The following PTGFRN variants were observed in gnomAD, a reference collection of about 807,000 sequenced individuals.
PTGFRN encodes prostaglandin F2 receptor inhibitor.
In PTGFRN, 35 loss-of-function variants were observed where a neutral mutation model predicts 83.2. The ratio of observed to expected loss-of-function variants is 0.42; its 90% confidence interval spans 0.32 to 0.56. The LOEUF is 0.56. PTGFRN is among the 20% of genes least tolerant of loss of function. PTGFRN has a pLI of 0.11. For missense variants in PTGFRN, 1,051 were observed against 1,179.5 expected (o/e 0.89, Z 1.60); for synonymous variants, 519 against 498.6 (o/e 1.04, Z -0.55).
chr1:116,932,923 C>T (rs979184285), intron 1 of PTGFRN, among the ~76,000 whole-genome samples: 1 of 152,132 alleles, frequency 6.6e-6, no homozygotes, highest in African/African-American at 2.4e-5. Context: ...GGAGGTTATT[C>T]AACTTCTTTG....
chr1:116,912,996 C>T (rs1649310191), intron 1 of PTGFRN, among the ~76,000 whole-genome samples: 1 of 152,214 alleles, frequency 6.6e-6, no homozygotes, highest in South Asian at 2.1e-4. Flanking sequence ...TATGTCTGAC[C>T]TGTCTTGCCC....
intron 7 of PTGFRN, among the ~76,000 whole-genome samples, chr1:116,983,678 T>G (rs943343298): frequency 1.3e-5 from 2 of 152,212 alleles, no homozygotes; most frequent in Non-Finnish European, 2.9e-5. Flanking sequence ...TGAAAATAAT[T>G]TATTTGCCTT....
At chr1:116,957,122 TC>T (rs1650522565) in intron 4 of PTGFRN, among the ~76,000 whole-genome samples, 17 of 151,178 alleles carry the variant, frequency 1.1e-4, no homozygotes, top group Admixed American at 8.6e-4. Flanking sequence ...TCTCTCTCTC[TC>T]TCTTTCTCTC....
chr1:116,954,461 A>G (rs1368245076), intron 4 of PTGFRN, among the ~76,000 whole-genome samples: 2 of 152,268 alleles, frequency 1.3e-5, no homozygotes, highest in Admixed American at 6.5e-5. Flanking sequence ...AAACCCTGTC[A>G]TCAGCACAGG....
Position 116,913,778 on chromosome 1 carries a change from A to G in PTGFRN, c.49+3526A>G, listed in dbSNP as rs185588718. 1.1e-3 allele frequency among the ~76,000 whole-genome samples: 168 copies of G among 152,344 alleles called. 1 individual carries two copies. Among genetic ancestry groups the G allele is most frequent in the African/African-American group, 3.7e-3 (152 of 41,572 alleles). On this transcript the variant is annotated intron_variant, in intron 1 of 8. Coordinates refer to ENST00000393203, the MANE Select transcript of PTGFRN (RefSeq NM_020440.4). Reference sequence around the variant, plus strand: ...TTATCTGTGGGAATGGGTAGCCATTAAAAGTTTGTAGGGCGAGATTAACAG... The same window carrying G: ...TTATCTGTGGGAATGGGTAGCCATTGAAAGTTTGTAGGGCGAGATTAACAG...
intron 1 of PTGFRN, among the ~76,000 whole-genome samples, chr1:116,915,150 C>G (rs879224695): frequency 3.9e-5 from 6 of 152,196 alleles, no homozygotes; most frequent in Admixed American, 3.9e-4. Context: ...TTCGCTAAAC[C>G]TTATGCTGCG....
chr1:116,944,639 G>C, intron 2 of PTGFRN, 40 bp from the exon 3 acceptor site: 1 of 1,368,758 alleles, frequency 7.3e-7, no homozygotes, highest in Non-Finnish European at 9.5e-7. Context: ...GGCTGGGGTC[G>C]GTGTGGACGG....
At chr1:116,914,975 A>G (rs1203177722) in intron 1 of PTGFRN, among the ~76,000 whole-genome samples, 1 of 152,198 alleles carries the variant, frequency 6.6e-6, no homozygotes, top group Non-Finnish European at 1.5e-5. Context: ...TATTCCTCAC[A>G]ACAATACTTT....
chr1:116,949,746 C>G (rs1570661345), intron 4 of PTGFRN, among the ~76,000 whole-genome samples, 174 bp downstream of exon 4: 1 of 152,252 alleles, frequency 6.6e-6, no homozygotes, highest in South Asian at 2.1e-4. Context: ...TAGAATCTGG[C>G]AGACAAGGGA....
rs1046502774 is a variant in PTGFRN, at chr1:116,966,853, G to A, written c.1640-58G>A. On this transcript the variant is annotated intron_variant, in intron 5 of 8. Coordinates refer to ENST00000393203, the MANE Select transcript of PTGFRN (RefSeq NM_020440.4). Reference sequence around the variant, plus strand: ...TTTCTTGGTTATTTTGCTTTTAGTTGCATTTTTATTTTAACTGATCTTGTT... The same window carrying A: ...TTTCTTGGTTATTTTGCTTTTAGTTACATTTTTATTTTAACTGATCTTGTT... 3 of 1,501,956 alleles carry A rather than the reference G, an allele frequency of 2.0e-6. No individual in the cohort carries two copies. In the African/African-American group the frequency reaches 4.2e-5, roughly 21 times the overall value. 93.0% of individuals were successfully genotyped at this position (1,501,956 alleles called of 1,614,324 possible).
chr1:116,925,337 G>A (rs976889597), intron 1 of PTGFRN, among the ~76,000 whole-genome samples: 1 of 152,014 alleles, frequency 6.6e-6, no homozygotes, highest in Non-Finnish European at 1.5e-5. Context: ...TGAGGCATGA[G>A]AATTGCTTGA....
chr1:116,956,162 T>C (rs112869931), intron 4 of PTGFRN, among the ~76,000 whole-genome samples: 3 of 151,976 alleles, frequency 2.0e-5, no homozygotes, highest in African/African-American at 4.8e-5. Context: ...TCTCCAGGAG[T>C]GTAAGTCTAA....
rs1182590334 is a variant in PTGFRN, at chr1:116,961,143, A to G, written c.1214-100A>G. On this transcript the variant is annotated intron_variant, in intron 4 of 8. Coordinates refer to ENST00000393203, the MANE Select transcript of PTGFRN (RefSeq NM_020440.4). This position sits in a 1 kb window ranked among gnomAD's most constrained non-coding sequence, Gnocchi z 5.4. ...TCTAGTCCGGCAGGAGAAGCATTTA[A>G]TTGTTAAAACAAGAGCAGTCCTTGT... The G allele has an allele frequency of 1.6e-6, 2 of 1,233,622 alleles. No homozygotes were observed. Among genetic ancestry groups the G allele is most frequent in the African/African-American group, 3.0e-5 (2 of 65,944 alleles). The allele number at this position is 1,233,622 out of a possible 1,614,324, so 76.4% of individuals were successfully genotyped here.
Position 116,961,679 on chromosome 1 carries a change from T to G in PTGFRN, c.1639+11T>G. On this transcript the variant is annotated intron_variant, in intron 5 of 8. Coordinates refer to ENST00000393203, the MANE Select transcript of PTGFRN (RefSeq NM_020440.4). The surrounding 1 kb of genome is among the most constrained non-coding windows in gnomAD (Gnocchi z 5.4). ...TTTGGGCATTAGAAGGTAGGAACTT[T>G]TTTCTTGTTATTCATTTTTGTTTTG... 2 of 1,591,964 alleles carry G rather than the reference T, an allele frequency of 1.3e-6. No individual in the cohort carries two copies. The highest frequency in any genetic ancestry group is 2.2e-5 in the East Asian group (1 of 44,566).
rs116728727 is a variant in PTGFRN at position 116,920,012 on chromosome 1, G to A, written c.49+9760G>A. Among the ~76,000 whole-genome samples the A allele has an allele frequency of 1.5e-3, 236 of 152,342 alleles. 2 individuals are homozygous for A. Among genetic ancestry groups the A allele is most frequent in the African/African-American group, 5.5e-3 (228 of 41,584 alleles). ...CTTTGAGTTCATGCTGACCCCTGCT[G>A]TTGGCCATGTGGCCTCTTGGCCCAG... On this transcript the variant is annotated intron_variant, in intron 1 of 8. Transcript: ENST00000393203.
At chr1:116,942,147 T>C in intron 2 of PTGFRN, 64 bp downstream of exon 2, 2 of 1,530,420 alleles carry the variant, frequency 1.3e-6, no homozygotes, top group Non-Finnish European at 8.8e-7. Context: ...TGGGCTGTGG[T>C]GGACTTTGTC....
chr1:116,938,460 T>C (rs1413600782), intron 1 of PTGFRN, among the ~76,000 whole-genome samples: 2 of 152,224 alleles, frequency 1.3e-5, no homozygotes, highest in Non-Finnish European at 1.5e-5. Context: ...AGAAGAGCGC[T>C]TGTGCAGGGA....
intron 7 of PTGFRN, among the ~76,000 whole-genome samples, chr1:116,979,454 TG>T (rs1334613663): frequency 7.2e-5 from 11 of 152,220 alleles, no homozygotes; most frequent in Non-Finnish European, 1.5e-4. Flanking sequence ...GGTATCACGC[TG>T]CCTGACTTCA....
At position 116,961,322 on chromosome 1, in the gene PTGFRN, G is replaced by A; in HGVS notation, c.1293G>A (p.Val431=). 2 of 1,567,268 alleles carry A rather than the reference G, an allele frequency of 1.3e-6. No homozygotes were observed. Among genetic ancestry groups the A allele is most frequent in the Non-Finnish European group, 1.7e-6 (2 of 1,154,100 alleles). ...ADDPTELACR[V]VDTKSGEANV... ...ACCCCACAGAGCTGGCATGCCGGGT[G>A]GTGGACACGAAGAGTGGGGAGGCGA... The change falls in exon 5 of 9, where the codon GTG becomes GTA. Residue 431 remains valine (V), a synonymous_variant. Coordinates refer to ENST00000393203, the MANE Select transcript of PTGFRN (RefSeq NM_020440.4). This position sits in a 1 kb window ranked among gnomAD's most constrained non-coding sequence, Gnocchi z 5.4.
Sources: allele counts gnomAD v4.1 joint callset (sites outside exome capture counted in the v4.1 genomes callset), GRCh38; gene constraint gnomAD v4.1.1; non-coding constraint Gnocchi (gnomAD v3.1); transcripts MANE v1.5; gene names NCBI Gene and HGNC (gene_info 2026-07-23, HGNC 2026-07-21).